The following ATP9B variants were observed in gnomAD, a reference collection of about 807,000 sequenced individuals.
The protein encoded by ATP9B is ATPase phospholipid transporting 9B.
In ATP9B, 110 loss-of-function variants were observed where a neutral mutation model predicts 146.1. The observed-to-expected ratio is 0.75, with a 90% confidence interval of 0.65 to 0.88. ATP9B has a LOEUF of 0.88. Ranked by LOEUF, ATP9B falls within the 40% of genes least tolerant of loss-of-function variation. The pLI is 0.00. For synonymous variants in ATP9B, 604 were observed against 569.7 expected, an observed-to-expected ratio of 1.06 and a Z score of -0.86; for missense variants, 1,499 against 1,496.4, an observed-to-expected ratio of 1.00 and a Z score of -0.03.
rs2096874404 is a variant in ATP9B, at chr18:79,344,343, G to T, written c.2461G>T (p.Asp821Tyr). 6.2e-7 allele frequency: 1 copy of T among 1,614,020 alleles called. No individual in the cohort carries two copies. The highest frequency in any genetic ancestry group is 1.1e-5 in the South Asian group (1 of 91,066). The change falls in exon 21 of 30, where the codon GAC (aspartate) becomes TAC (tyrosine). Residue 821 changes from aspartate to tyrosine, a missense_variant. Physicochemically the swap from Asp to Tyr is radical, Grantham distance 160. Transcript: ENST00000426216. ...KHDCALVISG[D>Y]SLEVCLKYYE... ...TGATTGTGCACTAGTCATATCTGGG[G>T]ACTCTCTGGAGGTAAGGCTGGACCC...
At chr18:79,284,917 A>T (rs909884151) in intron 13 of ATP9B, among the ~76,000 whole-genome samples, 1 of 152,078 alleles carries the variant, frequency 6.6e-6, no homozygotes, top group Admixed American at 6.5e-5. Context: ...GATGATTTCC[A>T]ATTTCATCCA....
At chr18:79,071,268 A>G (rs1202828970) in intron 1 of ATP9B, among the ~76,000 whole-genome samples, 1 of 151,632 alleles carries the variant, frequency 6.6e-6, no homozygotes, top group Non-Finnish European at 1.5e-5. Flanking sequence ...TTTAAGTATC[A>G]TGTCCTGGGT....
intron 15 of ATP9B, among the ~76,000 whole-genome samples, chr18:79,317,618 C>T (rs1312850404): frequency 6.6e-6 from 1 of 152,010 alleles, no homozygotes; most frequent in East Asian, 1.9e-4. Context: ...AGTCAAGAGG[C>T]GATTGATGTC....
chr18:79,119,484 G>T (rs2094151773), intron 4 of ATP9B, among the ~76,000 whole-genome samples: 1 of 152,044 alleles, frequency 6.6e-6, no homozygotes. Flanking sequence ...TTTTTGACAT[G>T]TATTAGCTTT....
intron 6 of ATP9B, among the ~76,000 whole-genome samples, chr18:79,149,674 C>A (rs185262127): frequency 4.6e-5 from 7 of 151,428 alleles, no homozygotes; most frequent in Admixed American, 3.3e-4. Flanking sequence ...ACAAAGATTT[C>A]TGTCTAGAAT....
At chr18:79,272,566 G>A (rs1315794868) in intron 12 of ATP9B, among the ~76,000 whole-genome samples, 2 of 150,838 alleles carry the variant, frequency 1.3e-5, no homozygotes, top group African/African-American at 2.4e-5. Flanking sequence ...GCACGGATAC[G>A]CTTCTCTCCC....
At chr18:79,095,165 A>C (rs184789851) in intron 1 of ATP9B, among the ~76,000 whole-genome samples, 40 of 152,238 alleles carry the variant, frequency 2.6e-4, no homozygotes, top group East Asian at 9.7e-4. Context: ...AGAGCTCTTA[A>C]TTTCCACTTA....
chr18:79,256,691 T>C lies in ATP9B; in HGVS notation c.1268+3150T>C, dbSNP rs550957776. Among the ~76,000 whole-genome samples the C allele has an allele frequency of 7.2e-5, 11 of 152,258 alleles. No individual in the cohort carries two copies. In the South Asian group the frequency reaches 1.9e-3, roughly 26 times the overall value. The stretch of plus-strand genomic sequence containing the variant: ...AATCAATGCTAAGACCTTAAAATAT[T>C]TTAAGTCAGCTCATCTTCCCTCTCC... On this transcript the variant is annotated intron_variant, in intron 12 of 29. Transcript: ENST00000426216.
chr18:79,254,308 G>C (rs1169423302), intron 12 of ATP9B: 1 of 152,188 alleles, frequency 6.6e-6, no homozygotes, highest in Non-Finnish European at 1.5e-5. Flanking sequence ...TTCTAAACCA[G>C]CTTTCTCCAA....
intron 15 of ATP9B, among the ~76,000 whole-genome samples, chr18:79,312,622 G>A (rs1344445109): frequency 6.6e-6 from 1 of 152,202 alleles, no homozygotes; most frequent in Non-Finnish European, 1.5e-5. Context: ...GTCGCCTGCT[G>A]AGCGAACCTT....
intron 15 of ATP9B, chr18:79,307,489 A>C: frequency 2.0e-6 from 1 of 490,126 alleles, no homozygotes; most frequent in Non-Finnish European, 3.6e-6. Flanking sequence ...GTCACAGGGA[A>C]CAGCATGAGA....
intron 2 of ATP9B, among the ~76,000 whole-genome samples, chr18:79,100,136 A>G (rs1393636334): frequency 3.3e-5 from 5 of 152,214 alleles, no homozygotes; most frequent in Non-Finnish European, 5.9e-5. Context: ...AAAAAATAAA[A>G]TAAAAATTTC....
At chr18:79,203,673 A>G (rs971530934) in intron 9 of ATP9B, among the ~76,000 whole-genome samples, 1 of 152,220 alleles carries the variant, frequency 6.6e-6, no homozygotes, top group Non-Finnish European at 1.5e-5. Context: ...TATGGTAGAT[A>G]AAAATTTTAT....
chr18:79,199,947 C>G (rs546909058), intron 9 of ATP9B, among the ~76,000 whole-genome samples: 151 of 152,228 alleles, frequency 9.9e-4, no homozygotes, highest in African/African-American at 3.5e-3. Flanking sequence ...CCTGGAAGGA[C>G]CTGCCGGAGG....
chr18:79,304,857 C>T (rs532435398), intron 14 of ATP9B, among the ~76,000 whole-genome samples: 7 of 152,234 alleles, frequency 4.6e-5, no homozygotes, highest in Admixed American at 2.6e-4. Flanking sequence ...CTGCAGTGTG[C>T]GTCACAAATT....
chr18:79,119,398 A>G (rs753809075), intron 4 of ATP9B, among the ~76,000 whole-genome samples: 21 of 152,176 alleles, frequency 1.4e-4, no homozygotes, highest in Admixed American at 3.9e-4. Flanking sequence ...ATGATTGTTC[A>G]TTTCCAGTTC....
chr18:79,325,298 G>T (rs1340865855), intron 15 of ATP9B, among the ~76,000 whole-genome samples: 1 of 152,078 alleles, frequency 6.6e-6, no homozygotes, highest in African/African-American at 2.4e-5. Context: ...CTTTTCTGTA[G>T]AAGTGCACGT....
chr18:79,287,288 A>G (rs1339884275), intron 13 of ATP9B, among the ~76,000 whole-genome samples: 2 of 152,182 alleles, frequency 1.3e-5, no homozygotes, highest in Non-Finnish European at 2.9e-5. Flanking sequence ...TATTGCCACA[A>G]TTTCAGAGCC....
Position 79,182,190 on chromosome 18 carries a change from G to A in ATP9B, c.873+5283G>A, listed in dbSNP as rs367990543. On this transcript the variant is annotated intron_variant, in intron 8 of 29. Coordinates refer to ENST00000426216, the MANE Select transcript of ATP9B (RefSeq NM_198531.5). ...TGCTGGGATCCTGCTGATGTCTACT[G>A]AAATCCTTGCTGGTTCACAGGTGCC... 5.3e-5 allele frequency among the ~76,000 whole-genome samples: 8 copies of A among 152,282 alleles called. No homozygotes were observed. The East Asian group carries it at 1.5e-3, about 29-fold the overall frequency.
Sources: allele counts gnomAD v4.1 joint callset (sites outside exome capture counted in the v4.1 genomes callset), GRCh38; gene constraint gnomAD v4.1.1; transcripts MANE v1.5; gene names NCBI Gene and HGNC (gene_info 2026-07-23, HGNC 2026-07-21).